KCNH5: variants seen among roughly 807,000 people sequenced by gnomAD.
KCNH5 encodes the protein voltage-gated delayed rectifier potassium channel KCNH5.
In KCNH5, 46 loss-of-function variants were observed where a neutral mutation model predicts 96.1. The ratio of observed to expected loss-of-function variants is 0.48; its 90% confidence interval spans 0.38 to 0.61. KCNH5 has a LOEUF of 0.61. Among genes scored for constraint, KCNH5 ranks in the 20% least tolerant of loss-of-function variants. The pLI, the probability that KCNH5 is intolerant of heterozygous loss-of-function variation, is 0.00. For missense variants in KCNH5, 907 were observed against 1,225.8 expected, an observed-to-expected ratio of 0.74 and a Z score of 3.88; for synonymous variants, 439 against 449.8, an observed-to-expected ratio of 0.98 and a Z score of 0.30.
intron 9 of KCNH5, among the ~76,000 whole-genome samples, chr14:62,791,945 T>A (rs1886444222): frequency 6.6e-6 from 1 of 151,576 alleles, no homozygotes; most frequent in Non-Finnish European, 1.5e-5. Context: ...CACTATAAGT[T>A]ATCATTGCAA....
chr14:62,838,160 T>C (rs1047727344), intron 8 of KCNH5, among the ~76,000 whole-genome samples: 2 of 152,190 alleles, frequency 1.3e-5, no homozygotes, highest in Non-Finnish European at 2.9e-5. Flanking sequence ...TTAAAAATCT[T>C]GGAAAAGATC....
At chr14:62,882,001 T>C (rs1450544476) in intron 7 of KCNH5, among the ~76,000 whole-genome samples, 4 of 150,548 alleles carry the variant, frequency 2.7e-5, no homozygotes, top group African/African-American at 9.8e-5. Flanking sequence ...AGTGGCTCAA[T>C]GCCTGTAATC....
intron 7 of KCNH5, among the ~76,000 whole-genome samples, chr14:62,887,797 G>T (rs1374350162): frequency 6.6e-6 from 1 of 151,402 alleles, no homozygotes; most frequent in East Asian, 1.9e-4. Flanking sequence ...GCTTCTTACT[G>T]CATAAGAAAA....
intron 6 of KCNH5, among the ~76,000 whole-genome samples, chr14:62,965,699 C>G (rs1246736769): frequency 6.6e-6 from 1 of 152,132 alleles, no homozygotes; most frequent in African/African-American, 2.4e-5. Context: ...TCATTCATAA[C>G]ACTAAAGAGC....
At chr14:62,960,757 A>G (rs1307055124) in intron 6 of KCNH5, among the ~76,000 whole-genome samples, 1 of 152,152 alleles carries the variant, frequency 6.6e-6, no homozygotes, top group Admixed American at 6.6e-5. Flanking sequence ...TTCAGAATTC[A>G]CTGCTCCAAC....
intron 10 of KCNH5, among the ~76,000 whole-genome samples, chr14:62,732,541 G>T (rs1474261791): frequency 6.6e-6 from 1 of 150,536 alleles, no homozygotes; most frequent in African/African-American, 2.4e-5. Flanking sequence ...TAAATTTGCA[G>T]CCACTTTAAC....
At chr14:62,850,100 T>C (rs1887775140) in intron 7 of KCNH5, among the ~76,000 whole-genome samples, 1 of 152,180 alleles carries the variant, frequency 6.6e-6, no homozygotes, top group Non-Finnish European at 1.5e-5. Flanking sequence ...GAGTCATCTT[T>C]TCTGAAGAAT....
intron 4 of KCNH5, among the ~76,000 whole-genome samples, chr14:62,989,826 C>G (rs1024767271): frequency 3.6e-4 from 54 of 152,058 alleles, no homozygotes; most frequent in Middle Eastern, 3.4e-3. Flanking sequence ...GTTTTATTAT[C>G]ATTGGTTTTT....
At chr14:62,797,454 G>T (rs2139994820) in intron 9 of KCNH5, among the ~76,000 whole-genome samples, 1 of 152,176 alleles carries the variant, frequency 6.6e-6, no homozygotes, top group Non-Finnish European at 1.5e-5. Context: ...CTACAACACA[G>T]AAGTATGGGT....
At chr14:62,899,107 C>T (rs1163161223) in intron 7 of KCNH5, among the ~76,000 whole-genome samples, 1 of 152,110 alleles carries the variant, frequency 6.6e-6, no homozygotes, top group Admixed American at 6.5e-5. Flanking sequence ...ACACAATTCA[C>T]AACCCACAAA....
At chr14:62,770,351 C>T (rs1224842054) in intron 10 of KCNH5, among the ~76,000 whole-genome samples, 1 of 152,166 alleles carries the variant, frequency 6.6e-6, no homozygotes, top group Non-Finnish European at 1.5e-5. Flanking sequence ...ATAATATGAA[C>T]GTTTTCTGGA....
intron 6 of KCNH5, among the ~76,000 whole-genome samples, chr14:62,953,988 C>G (rs552334643): frequency 6.6e-6 from 1 of 152,288 alleles, no homozygotes; most frequent in East Asian, 1.9e-4. Context: ...CCAAGTGTGA[C>G]ACGCGAAGCC....
intron 9 of KCNH5, among the ~76,000 whole-genome samples, chr14:62,782,135 G>C (rs243167): frequency 0.039 from 5,923 of 152,252 alleles, 157 homozygotes; most frequent in Non-Finnish European, 0.057. Context: ...CAGACAACCA[G>C]AGAGAAAAGA....
intron 6 of KCNH5, among the ~76,000 whole-genome samples, chr14:62,968,900 G>A (rs1890353207): frequency 6.6e-6 from 1 of 152,096 alleles, no homozygotes; most frequent in Non-Finnish European, 1.5e-5. Context: ...ACAATTAAAG[G>A]ATGCCAAATA....
chr14:62,805,781 T>C (rs914620044), intron 8 of KCNH5, among the ~76,000 whole-genome samples: 1 of 152,206 alleles, frequency 6.6e-6, no homozygotes, highest in Non-Finnish European at 1.5e-5. Context: ...GTGACTTTTG[T>C]TTGTTTTCAG....
At chr14:62,971,560 A>T (rs1890408205) in intron 6 of KCNH5, among the ~76,000 whole-genome samples, 1 of 152,086 alleles carries the variant, frequency 6.6e-6, no homozygotes. Context: ...ACAATATGGA[A>T]GTTGAAGAAC....
intron 6 of KCNH5, among the ~76,000 whole-genome samples, chr14:62,970,297 A>G (rs1890382485): frequency 6.6e-6 from 1 of 152,276 alleles, no homozygotes; most frequent in East Asian, 1.9e-4. Context: ...AAGAAAAAAA[A>G]TAATCTGAAT....
At chr14:62,835,702 T>C (rs1053803193) in intron 8 of KCNH5, among the ~76,000 whole-genome samples, 2 of 151,984 alleles carry the variant, frequency 1.3e-5, no homozygotes, top group Admixed American at 1.3e-4. Context: ...GGTCATAACA[T>C]TAAGATGTGG....
At chr14:62,884,641 G>GA in intron 7 of KCNH5, among the ~76,000 whole-genome samples, 1 of 152,002 alleles carries the variant, frequency 6.6e-6, no homozygotes, top group South Asian at 2.1e-4. Context: ...AAGAAAGAAA[G>GA]AAAAAAACTA....
Sources: gnomAD v4.1 joint callset for allele counts (sites outside exome capture counted in the v4.1 genomes callset) on GRCh38, gnomAD v4.1.1 for gene constraint, MANE v1.5 for transcripts, NCBI Gene and HGNC (gene_info 2026-07-23, HGNC 2026-07-21) for gene names.